INPP5A: variants seen among roughly 807,000 people sequenced by gnomAD.
INPP5A encodes inositol polyphosphate-5-phosphatase A.
INPP5A carries 14 observed loss-of-function variants against 65.2 expected under a neutral mutation model. The ratio of observed to expected loss-of-function variants is 0.21; its 90% confidence interval spans 0.14 to 0.34. INPP5A has a LOEUF of 0.34. INPP5A is among the 10% of genes least tolerant of loss of function. INPP5A has a pLI of 1.00. For missense variants in INPP5A, 431 were observed against 545.6 expected (o/e 0.79, Z 2.09); for synonymous variants, 207 against 208.3 (o/e 0.99, Z 0.05).
At chr10:132,610,291 C>G (rs904152603) in intron 2 of INPP5A, among the ~76,000 whole-genome samples, 3 of 152,206 alleles carry the variant, frequency 2.0e-5, no homozygotes, top group African/African-American at 7.2e-5. Context: ...GCAATTGTTT[C>G]CCTGTGTGCG....
chr10:132,699,480 C>T (rs1283728697), intron 6 of INPP5A, among the ~76,000 whole-genome samples: 1 of 152,194 alleles, frequency 6.6e-6, no homozygotes, highest in Non-Finnish European at 1.5e-5. Flanking sequence ...CGTCTCAGGA[C>T]CCATGTGGCT....
At chr10:132,747,380 T>C (rs1050680105) in intron 9 of INPP5A, among the ~76,000 whole-genome samples, 1 of 152,284 alleles carries the variant, frequency 6.6e-6, no homozygotes, top group South Asian at 2.1e-4. Flanking sequence ...GGAATGTCAA[T>C]GGCCTGCCCT....
At chr10:132,764,643 G>A (rs1203725419) in intron 11 of INPP5A, among the ~76,000 whole-genome samples, 8 of 137,610 alleles carry the variant, frequency 5.8e-5, no homozygotes, top group African/African-American at 1.9e-4. Context: ...GGCCAGTCCT[G>A]CAGGGGTGGG....
At chr10:132,602,095 G>C (rs1010392757) in intron 1 of INPP5A, among the ~76,000 whole-genome samples, 2 of 152,218 alleles carry the variant, frequency 1.3e-5, no homozygotes, top group Non-Finnish European at 2.9e-5. Flanking sequence ...ACTCCAGTTT[G>C]TGAACATGGA....
At position 132,587,832 on chromosome 10, in the gene INPP5A, G is replaced by A. The variant is rs1259944353; in HGVS notation, c.76-20083G>A. On this transcript the variant is annotated intron_variant, in intron 1 of 15. Transcript: ENST00000368594. The surrounding 1 kb of genome is among the most constrained non-coding windows in gnomAD (Gnocchi z 4.3). ...TCGTGACTAGCCTGACCAACATGGT[G>A]AAATCCCGTCTCTACTAAAAAGACA... Among the ~76,000 whole-genome samples, 3 of 151,766 alleles carry A rather than the reference G, an allele frequency of 2.0e-5. No homozygotes were observed. Among genetic ancestry groups the A allele is most frequent in the African/African-American group, 7.3e-5 (3 of 41,284 alleles).
chr10:132,720,382 G>A (rs1270104807), intron 8 of INPP5A, among the ~76,000 whole-genome samples: 1 of 146,474 alleles, frequency 6.8e-6, no homozygotes, highest in East Asian at 2.0e-4. Flanking sequence ...GGTTCTGTCT[G>A]GGCACCTTAG....
chr10:132,615,056 G>A (rs907891612), intron 2 of INPP5A, among the ~76,000 whole-genome samples: 5 of 152,228 alleles, frequency 3.3e-5, no homozygotes, highest in African/African-American at 4.8e-5. Flanking sequence ...TGGAGGACCC[G>A]ATAAGAACGC....
At chr10:132,720,212 A>G (rs559673422) in intron 8 of INPP5A, among the ~76,000 whole-genome samples, 14 of 130,620 alleles carry the variant, frequency 1.1e-4, no homozygotes, top group East Asian at 4.9e-4. Flanking sequence ...GTTCTGTGGC[A>G]CCTGGGTTCT....
At chr10:132,640,764 T>G (rs891734565) in intron 2 of INPP5A, among the ~76,000 whole-genome samples, 6 of 152,248 alleles carry the variant, frequency 3.9e-5, no homozygotes, top group Non-Finnish European at 8.8e-5. Context: ...TCTGTATACC[T>G]TCTTTTCTCT....
intron 1 of INPP5A, among the ~76,000 whole-genome samples, chr10:132,596,985 A>G (rs577148606): frequency 9.3e-4 from 126 of 136,026 alleles, no homozygotes; most frequent in Non-Finnish European, 1.3e-3. Flanking sequence ...GCGTGTGTGC[A>G]TGCACGTGTG....
chr10:132,696,551 A>G (rs1431011758), intron 5 of INPP5A, among the ~76,000 whole-genome samples: 2 of 152,198 alleles, frequency 1.3e-5, no homozygotes, highest in African/African-American at 4.8e-5. Flanking sequence ...ACCTGCTACC[A>G]ATGAAAGAAG....
chr10:132,653,835 C>T (rs1035188334), intron 4 of INPP5A, among the ~76,000 whole-genome samples: 3 of 152,220 alleles, frequency 2.0e-5, no homozygotes, highest in Non-Finnish European at 2.9e-5. Flanking sequence ...GGGAGCACGG[C>T]GCCCCCCGTC....
At chr10:132,777,365 A>C (rs1032866362) in intron 12 of INPP5A, among the ~76,000 whole-genome samples, 8 of 152,342 alleles carry the variant, frequency 5.3e-5, no homozygotes, top group Middle Eastern at 6.8e-3. Context: ...TTTTCATCAT[A>C]CTTTAGACCA....
rs1590885771 is a variant in INPP5A at position 132,637,872 on chromosome 10, C to T, written c.118-7996C>T. 6.6e-6 allele frequency among the ~76,000 whole-genome samples: 1 copy of T among 152,072 alleles called. No homozygotes were observed. Among genetic ancestry groups the T allele is most frequent in the Non-Finnish European group, 1.5e-5 (1 of 68,020 alleles). On this transcript the variant is annotated intron_variant, in intron 2 of 15. Coordinates refer to ENST00000368594, the MANE Select transcript of INPP5A (RefSeq NM_005539.5). The surrounding 1 kb of genome is among the most constrained non-coding windows in gnomAD (Gnocchi z 4.1). Reference sequence around the variant, plus strand: ...ACGGTCGTTTTCCTCAGGTCGGGCACGTTTTCCTCAGTTTGTGTGTGTACA... The same window carrying T: ...ACGGTCGTTTTCCTCAGGTCGGGCATGTTTTCCTCAGTTTGTGTGTGTACA...
At chr10:132,609,037 G>A (rs960198056) in intron 2 of INPP5A, among the ~76,000 whole-genome samples, 2 of 152,196 alleles carry the variant, frequency 1.3e-5, no homozygotes, top group Admixed American at 1.3e-4. Flanking sequence ...CTCTGTAGCC[G>A]GCATCCAAGT....
At chr10:132,682,970 G>T (rs879714893) in intron 4 of INPP5A, among the ~76,000 whole-genome samples, 1 of 151,178 alleles carries the variant, frequency 6.6e-6, no homozygotes, top group Non-Finnish European at 1.5e-5. Context: ...ATATACATAT[G>T]TACGCACATT....
intron 1 of INPP5A, among the ~76,000 whole-genome samples, chr10:132,595,129 G>A (rs908759260): frequency 9.9e-5 from 15 of 152,186 alleles, no homozygotes; most frequent in African/African-American, 3.4e-4. Context: ...AGTGCTGACA[G>A]CGCTCGGCAT....
At chr10:132,775,904 T>G (rs1847055551) in intron 12 of INPP5A, among the ~76,000 whole-genome samples, 1 of 152,162 alleles carries the variant, frequency 6.6e-6, no homozygotes, top group South Asian at 2.1e-4. Context: ...GAGGGAGAAC[T>G]GGTTCGGTTC....
At chr10:132,605,702 A>G (rs2071840588) in intron 1 of INPP5A, among the ~76,000 whole-genome samples, 1 of 151,820 alleles carries the variant, frequency 6.6e-6, no homozygotes, top group East Asian at 2.0e-4. Context: ...CCCCATGGTC[A>G]CCGTGGCCGT....
Sources: allele counts gnomAD v4.1 joint callset (sites outside exome capture counted in the v4.1 genomes callset), GRCh38; gene constraint gnomAD v4.1.1; non-coding constraint Gnocchi (gnomAD v3.1); transcripts MANE v1.5; gene names NCBI Gene and HGNC (gene_info 2026-07-23, HGNC 2026-07-21).